The following ACO2 variants were observed in gnomAD, a reference collection of about 807,000 sequenced individuals.
The protein encoded by ACO2 is aconitase 2.
Under a neutral mutation model 84.5 loss-of-function variants are expected in ACO2, and 31 were observed. The ratio of observed to expected loss-of-function variants is 0.37; its 90% CI spans 0.28 to 0.50. The LOEUF (loss-of-function observed/expected upper bound fraction) is 0.50, where lower values mean the gene tolerates loss of function less well. Among genes scored for constraint, ACO2 ranks in the 20% least tolerant of loss-of-function variants. The pLI is 0.97. For missense variants in ACO2, 685 were observed against 1,029.3 expected (o/e 0.67, Z 4.58); for synonymous variants, 414 against 412.7 (o/e 1.00, Z -0.04).
At position 41,501,569 on chromosome 22, in the gene ACO2, G is replaced by A. The variant is rs111903331; in HGVS notation, c.173+1707G>A. On this transcript the variant is annotated intron_variant, in intron 2 of 17. Transcript: ENST00000216254. ...TTGATTGATTGGAACCTGAACAACT[G>A]CAGATGGGGCTGTGCCCTTGCCTGC... Among the ~76,000 whole-genome samples the A allele has an allele frequency of 7.2e-5, 11 of 152,304 alleles. 2 individuals are homozygous for A. Among genetic ancestry groups the A allele is most frequent in the African/African-American group, 2.4e-4 (10 of 41,572 alleles).
At chr22:41,470,544 T>A (rs2037933538) in intron 1 of ACO2, among the ~76,000 whole-genome samples, 1 of 12,208 alleles carries the variant, frequency 8.2e-5, no homozygotes, top group African/African-American at 3.6e-4. Flanking sequence ...TTTTTTTTTT[T>A]TTTTTTTTTT....
chr22:41,469,296 A>G, intron 1 of ACO2, 114 bp downstream of exon 1: 1 of 1,319,334 alleles, frequency 7.6e-7, no homozygotes, highest in South Asian at 1.4e-5. Flanking sequence ...CTTCTCGTGT[A>G]CCTGTCCCGG....
At chr22:41,475,496 T>C (rs1398445374) in intron 1 of ACO2, among the ~76,000 whole-genome samples, 1 of 152,100 alleles carries the variant, frequency 6.6e-6, no homozygotes, top group East Asian at 1.9e-4. Flanking sequence ...TTTCTTTGAC[T>C]TGCCTCGTTT....
chr22:41,481,410 G>A (rs1248474271), intron 1 of ACO2, among the ~76,000 whole-genome samples: 1 of 152,242 alleles, frequency 6.6e-6, no homozygotes, highest in East Asian at 1.9e-4. Context: ...TCTGTAGCTT[G>A]CTCTGTATGC....
At chr22:41,496,678 GATGTC>G (rs935229855) in intron 1 of ACO2, among the ~76,000 whole-genome samples, 6 of 152,142 alleles carry the variant, frequency 3.9e-5, no homozygotes, top group African/African-American at 1.4e-4. Context: ...AAGGTCCTTT[GATGTC>G]ATGTCATTGG....
intron 1 of ACO2, among the ~76,000 whole-genome samples, chr22:41,490,257 C>T (rs915232036): frequency 6.6e-6 from 1 of 152,052 alleles, no homozygotes; most frequent in Non-Finnish European, 1.5e-5. Flanking sequence ...ACCCGGGAGG[C>T]GGAGGTTGCA....
intron 1 of ACO2, among the ~76,000 whole-genome samples, chr22:41,492,696 C>A (rs2066280492): frequency 6.6e-6 from 1 of 152,100 alleles, no homozygotes; most frequent in Admixed American, 6.6e-5. Flanking sequence ...TCGCTTGAAC[C>A]TGGGAGGCAG....
chr22:41,526,089 G>A, intron 14 of ACO2, 173 bp from the exon 15 acceptor site: 1 of 597,914 alleles, frequency 1.7e-6, no homozygotes, highest in Admixed American at 3.0e-5. Context: ...AGCCCATGTG[G>A]CCTTAGGGTG....
chr22:41,514,118 GAGATGAGACCTTTGGACCTT>G (rs2066457988), intron 4 of ACO2, among the ~76,000 whole-genome samples: 1 of 152,162 alleles, frequency 6.6e-6, no homozygotes, highest in African/African-American at 2.4e-5. Context: ...GCATCCCCAA[GAGATGAGACCTTTGGACCTT>G]AGAGTCTGCT....
At chr22:41,483,775 C>T (rs778835607) in intron 1 of ACO2, among the ~76,000 whole-genome samples, 3 of 152,090 alleles carry the variant, frequency 2.0e-5, no homozygotes, top group Non-Finnish European at 4.4e-5. Context: ...TAGGAGGCTG[C>T]AGTGGGAGGA....
At chr22:41,500,294 T>A (rs142859314) in intron 2 of ACO2, among the ~76,000 whole-genome samples, 102 of 150,044 alleles carry the variant, frequency 6.8e-4, no homozygotes, top group African/African-American at 2.3e-3. Flanking sequence ...GGGACCTTTT[T>A]AATTTAATTT....
intron 15 of ACO2, 38 bp from the exon 16 acceptor site, chr22:41,527,250 T>C (rs2066619584): frequency 6.2e-7 from 1 of 1,613,886 alleles, no homozygotes; most frequent in Non-Finnish European, 8.5e-7. Flanking sequence ...GACGGTGCCC[T>C]CCTCTGCCTT....
At chr22:41,500,834 G>A (rs1259356547) in intron 2 of ACO2, among the ~76,000 whole-genome samples, 1 of 151,952 alleles carries the variant, frequency 6.6e-6, no homozygotes, top group Non-Finnish European at 1.5e-5. Flanking sequence ...CTCCCGAGTA[G>A]CTGGGACTAC....
rs112426969 is a variant in ACO2 at position 41,524,881 on chromosome 22, G to A, written c.1518G>A (p.Lys506=). 7.4e-6 allele frequency: 12 copies of A among 1,614,234 alleles called. No individual in the cohort carries two copies. Among genetic ancestry groups the A allele is most frequent in the African/African-American group, 4.0e-5 (3 of 75,068 alleles). ...VTALAIAGTL[K]FNPETDYLTG... ...CCCTGGCCATTGCGGGAACCCTCAA[G>A]TTCAACCCAGAGACCGACTACCTGA... The change falls in exon 13 of 18, where the codon AAG becomes AAA. Residue 506 remains lysine, a synonymous_variant. Transcript: ENST00000216254.
At chr22:41,474,110 T>C (rs1309422698) in intron 1 of ACO2, among the ~76,000 whole-genome samples, 1 of 151,866 alleles carries the variant, frequency 6.6e-6, no homozygotes, top group Non-Finnish European at 1.5e-5. Flanking sequence ...CAGAGGAGTC[T>C]GGGACTAGGG....
At position 41,523,847 on chromosome 22, in the gene ACO2, G is replaced by A. The variant is rs1284453600; in HGVS notation, c.1388G>A (p.Gly463Glu). ...GQWDRKDIKK[G>E]EKNTIVTSYN... Reference sequence around the variant, plus strand: ...CCTGGCAGGAAGGACATCAAGAAGGGGGAGAAGAACACAATCGTCACCTCC... The same window carrying A: ...CCTGGCAGGAAGGACATCAAGAAGGAGGAGAAGAACACAATCGTCACCTCC... Residue 463 changes from glycine (G) to glutamate (E), a missense_variant, in exon 12 of 18, where the codon GGG becomes GAG. Around this residue, in one of 5 missense-constraint regions of ACO2, gnomAD observed 311 missense variants for 441.6 expected, o/e 0.70. Transcript: ENST00000216254. The A allele has an allele frequency of 6.2e-7, 1 of 1,612,172 alleles. No individual in the cohort carries two copies. Among genetic ancestry groups the A allele is most frequent in the East Asian group, 2.2e-5 (1 of 44,886 alleles).
rs2146120270 is a variant in ACO2, at chr22:41,511,974, G to A, written c.525+6G>A. 8 of 1,605,416 alleles carry A rather than the reference G, an allele frequency of 5.0e-6. No individual in the cohort carries two copies. The highest frequency in any genetic ancestry group is 6.8e-6 in the Non-Finnish European group (8 of 1,175,880). On this transcript the variant is annotated splice_donor_region_variant and intron_variant, in intron 4 of 17. Transcript: ENST00000216254. ...GATCTGGAATCATTCACCAGGTAAA[G>A]CTGGGCTCAGTCTGCCGTCCCAAGG...
chr22:41,523,735 C>T, intron 11 of ACO2, 95 bp from the exon 12 acceptor site: 1 of 1,153,602 alleles, frequency 8.7e-7, no homozygotes, highest in African/African-American at 1.5e-5. Context: ...AGGAGCTAGG[C>T]TGGGCTGCGC....
At chr22:41,501,067 G>A (rs1439287329) in intron 2 of ACO2, among the ~76,000 whole-genome samples, 6 of 151,564 alleles carry the variant, frequency 4.0e-5, no homozygotes, top group African/African-American at 7.3e-5. Context: ...GTAGTGGCAC[G>A]ATCACAGCTC....
Sources: allele counts gnomAD v4.1 joint callset (sites outside exome capture counted in the v4.1 genomes callset), GRCh38; gene constraint gnomAD v4.1.1; regional missense constraint gnomAD v4.1.1; transcripts MANE v1.5; gene names NCBI Gene and HGNC (gene_info 2026-07-23, HGNC 2026-07-21).